The following WWP2 variants were observed in gnomAD, a reference collection of about 807,000 sequenced individuals.
The protein encoded by WWP2 is WW domain containing E3 ubiquitin protein ligase 2.
WWP2 carries 57 observed loss-of-function variants against 121.0 expected under a neutral mutation model. That is an observed-to-expected ratio of 0.47 (90% CI 0.38 to 0.59). The LOEUF (loss-of-function observed/expected upper bound fraction) is 0.59, where lower values mean the gene tolerates loss of function less well. Among genes scored for constraint, WWP2 ranks in the 20% least tolerant of loss-of-function variants. The pLI is 0.00. For missense variants in WWP2, 962 were observed against 1,158.9 expected (o/e 0.83, Z 2.47); for synonymous variants, 449 against 441.3 (o/e 1.02, Z -0.22).
At chr16:69,841,589 G>A (rs936240045) in intron 5 of WWP2, among the ~76,000 whole-genome samples, 2 of 152,242 alleles carry the variant, frequency 1.3e-5, no homozygotes, top group South Asian at 2.1e-4. Context: ...GCTATTGAAG[G>A]GTTTCTCGCA....
intron 19 of WWP2, 60 bp downstream of exon 19, chr16:69,936,512 A>G: frequency 6.2e-7 from 1 of 1,603,362 alleles, no homozygotes; most frequent in Non-Finnish European, 8.5e-7. Context: ...AGTGGGTTGC[A>G]GAGAAAGATG....
chr16:69,860,827 C>T (rs1168210537), intron 6 of WWP2, among the ~76,000 whole-genome samples: 1 of 139,576 alleles, frequency 7.2e-6, no homozygotes, highest in Non-Finnish European at 1.5e-5. Flanking sequence ...CATAGCAAGA[C>T]TCGATCTCTA....
At chr16:69,773,532 A>T (rs999241826) in intron 1 of WWP2, among the ~76,000 whole-genome samples, 1 of 150,886 alleles carries the variant, frequency 6.6e-6, no homozygotes, top group African/African-American at 2.4e-5. Context: ...CTCAGGCTGG[A>T]GTGCAGTGGA....
Position 69,932,883 on chromosome 16 carries a change from G to A in WWP2, c.1682+993G>A, listed in dbSNP as rs139324402. Among the ~76,000 whole-genome samples, 450 of 152,342 alleles carry A rather than the reference G, an allele frequency of 3.0e-3. 2 individuals are homozygous for A. Among genetic ancestry groups the A allele is most frequent in the African/African-American group, 0.01 (427 of 41,582 alleles). On this transcript the variant is annotated intron_variant, in intron 16 of 23. Transcript: ENST00000359154. ...GCAGAGAGAGAGAGCGCTGTGGCCC[G>A]CAGCGACCTCTCCGCTCGAGACCTC...
chr16:69,803,030 G>A (rs561775939), intron 4 of WWP2, among the ~76,000 whole-genome samples: 47 of 151,566 alleles, frequency 3.1e-4, no homozygotes, highest in Admixed American at 5.9e-4. Context: ...CTTCCCATCA[G>A]CAGTGGCTGA....
At chr16:69,803,675 A>G (rs940180827) in intron 4 of WWP2, among the ~76,000 whole-genome samples, 3 of 152,188 alleles carry the variant, frequency 2.0e-5, no homozygotes, top group African/African-American at 4.8e-5. Context: ...TGGGAGGCGG[A>G]GGCAGGTTGA....
intron 7 of WWP2, among the ~76,000 whole-genome samples, chr16:69,882,025 G>T (rs1258902417): frequency 6.6e-6 from 1 of 151,186 alleles, no homozygotes; most frequent in African/African-American, 2.4e-5. Context: ...TTGCCATGTT[G>T]ACCAAGCTGG....
intron 2 of WWP2, among the ~76,000 whole-genome samples, 187 bp downstream of exon 2, chr16:69,787,267 T>A (rs2055813733): frequency 6.6e-6 from 1 of 152,112 alleles, no homozygotes; most frequent in Non-Finnish European, 1.5e-5. Context: ...AGCAGGAAAA[T>A]AGGGAACTTT....
intron 4 of WWP2, among the ~76,000 whole-genome samples, chr16:69,810,042 G>A (rs2056358304): frequency 6.6e-6 from 1 of 152,162 alleles, no homozygotes; most frequent in Non-Finnish European, 1.5e-5. Flanking sequence ...CTCTCACCGT[G>A]GCCTAGTCTT....
intron 1 of WWP2, among the ~76,000 whole-genome samples, chr16:69,769,874 CTTTT>C (rs71151134): frequency 3.9e-5 from 4 of 102,204 alleles, no homozygotes; most frequent in Admixed American, 1.0e-4. Context: ...TGATCAGTGT[CTTTT>C]TTTTTTTTTT....
At chr16:69,885,828 T>A (rs1357607312) in intron 7 of WWP2, among the ~76,000 whole-genome samples, 1 of 152,318 alleles carries the variant, frequency 6.6e-6, no homozygotes, top group East Asian at 1.9e-4. Flanking sequence ...TAATCTAAAG[T>A]GCTTTGCACC....
At chr16:69,932,104 T>C (rs1290391953) in intron 16 of WWP2, among the ~76,000 whole-genome samples, 1 of 152,144 alleles carries the variant, frequency 6.6e-6, no homozygotes, top group African/African-American at 2.4e-5. Flanking sequence ...CTGAGGCAGG[T>C]GGATCACCTG....
chr16:69,764,533 G>T (rs979675192), intron 1 of WWP2, among the ~76,000 whole-genome samples: 2 of 152,166 alleles, frequency 1.3e-5, no homozygotes, highest in African/African-American at 4.8e-5. Context: ...AATAAAAAGT[G>T]TAACATTTTA....
intron 4 of WWP2, among the ~76,000 whole-genome samples, chr16:69,836,813 A>T (rs896157244): frequency 1.3e-5 from 2 of 151,932 alleles, no homozygotes; most frequent in African/African-American, 4.8e-5. Flanking sequence ...ACAGGGTCTC[A>T]CCATGTTGCC....
chr16:69,916,368 T>C (rs528904794), intron 9 of WWP2, among the ~76,000 whole-genome samples: 1 of 152,274 alleles, frequency 6.6e-6, no homozygotes, highest in South Asian at 2.1e-4. Flanking sequence ...AGCTAATTTT[T>C]AAAAAATATT....
At chr16:69,859,104 G>A (rs542105134) in intron 6 of WWP2, among the ~76,000 whole-genome samples, 35 of 152,182 alleles carry the variant, frequency 2.3e-4, no homozygotes, top group Non-Finnish European at 4.4e-4. Context: ...CAAACTCAGG[G>A]CTTAAAACAA....
At chr16:69,826,267 CAAAA>C (rs71151139) in intron 4 of WWP2, among the ~76,000 whole-genome samples, 2 of 133,382 alleles carry the variant, frequency 1.5e-5, no homozygotes, top group Admixed American at 7.7e-5. Flanking sequence ...AACTCCGTCT[CAAAA>C]AAAAAAAAAA....
intron 7 of WWP2, among the ~76,000 whole-genome samples, chr16:69,883,733 A>G (rs2057872494): frequency 6.6e-6 from 1 of 151,950 alleles, no homozygotes; most frequent in East Asian, 1.9e-4. Flanking sequence ...CCCGCACCCC[A>G]CCCTGCAAAA....
chr16:69,799,678 CTGTGTGTATACGTATATGTGTG>C lies in WWP2; in HGVS notation c.340+390_340+411del, dbSNP rs2056120016. ...TCAGCCCTAAAACAGAACAAAGGAG[CTGTGTGTATACGTATATGTGTG>C]TGTGTGCATGCCTGTGTGCATGTGT... On this transcript the variant is annotated intron_variant, in intron 4 of 23. Transcript: ENST00000359154. The surrounding 1 kb of genome is among the most constrained non-coding windows in gnomAD (Gnocchi z 4.5). Among the ~76,000 whole-genome samples, 1 of 152,126 alleles carries C rather than the reference CTGTGTGTATACGTATATGTGTG, an allele frequency of 6.6e-6. No individual in the cohort carries two copies. Among genetic ancestry groups the C allele is most frequent in the African/African-American group, 2.4e-5 (1 of 41,438 alleles).
Sources: gnomAD v4.1 joint callset for allele counts (sites outside exome capture counted in the v4.1 genomes callset) on GRCh38, gnomAD v4.1.1 for gene constraint, Gnocchi (gnomAD v3.1) non-coding constraint, MANE v1.5 for transcripts, NCBI Gene and HGNC (gene_info 2026-07-23, HGNC 2026-07-21) for gene names.